The following RABEP2 variants were observed in gnomAD, a reference collection of about 807,000 sequenced individuals.
RABEP2 encodes the protein rabaptin, RAB GTPase binding effector protein 2, also known as rab GTPase-binding effector protein 2.
In RABEP2, 57 loss-of-function variants were observed where a neutral mutation model predicts 74.1. That is an observed-to-expected ratio of 0.77 (90% CI 0.62 to 0.96). The LOEUF is 0.96. Ranked by LOEUF, RABEP2 falls within the 40% of genes least tolerant of loss-of-function variation. The pLI is 0.00. For synonymous variants in RABEP2, 351 were observed against 344.0 expected (o/e 1.02, Z -0.23); for missense variants, 692 against 756.3 (o/e 0.91, Z 1.00).
intron 5 of RABEP2, among the ~76,000 whole-genome samples, chr16:28,912,950 G>GT (rs1024435420): frequency 1.1e-4 from 17 of 150,576 alleles, no homozygotes; most frequent in South Asian, 2.1e-4. Context: ...TTGTGCCCCG[G>GT]TTTTTTTTTC....
chr16:28,905,902 G>A, intron 9 of RABEP2, 24 bp from the exon 10 acceptor site: 1 of 1,613,432 alleles, frequency 6.2e-7, no homozygotes. Flanking sequence ...AGAAAGAGAG[G>A]TCAAGGCCAG....
intron 8 of RABEP2, among the ~76,000 whole-genome samples, chr16:28,906,729 C>T (rs1323138462): frequency 1.3e-5 from 2 of 152,120 alleles, no homozygotes; most frequent in Admixed American, 6.6e-5. Flanking sequence ...CGCGCCACTG[C>T]ACTCTAGCCT....
chr16:28,915,479 C>G (rs750684296), intron 3 of RABEP2, among the ~76,000 whole-genome samples: 1 of 152,056 alleles, frequency 6.6e-6, no homozygotes, highest in Non-Finnish European at 1.5e-5. Context: ...GGCTAAGTTC[C>G]AGCTACTGAG....
chr16:28,906,977 AAAAT>A (rs1406416659), intron 8 of RABEP2, among the ~76,000 whole-genome samples: 5 of 151,936 alleles, frequency 3.3e-5, no homozygotes, highest in African/African-American at 9.7e-5. Flanking sequence ...AAAATAAAAT[AAAAT>A]AAACCCTTTT....
rs1316746313 is a variant in RABEP2, at chr16:28,908,819, C to T, written c.1090-55G>A. On this transcript the variant is annotated intron_variant, in intron 7 of 12. Transcript: ENST00000358201. ...GAAGAGGACAGGGCGTCTCCAGTCCCTAGGAGGCCAAACCTCCTTGAACCC... is the reference window on the plus strand; with the variant it reads ...GAAGAGGACAGGGCGTCTCCAGTCCTTAGGAGGCCAAACCTCCTTGAACCC... 4 of 1,558,082 alleles carry T rather than the reference C, an allele frequency of 2.6e-6. No homozygotes were observed. In the East Asian group the frequency reaches 9.2e-5, roughly 36 times the overall value.
At chr16:28,906,331 A>C in intron 8 of RABEP2, 135 bp from the exon 9 acceptor site, 2 of 1,205,374 alleles carry the variant, frequency 1.7e-6, no homozygotes, top group Non-Finnish European at 2.2e-6. Flanking sequence ...AGTGGGGAAG[A>C]GCCCAAAATG....
Position 28,914,222 on chromosome 16 carries a change from C to T in RABEP2, c.894+14G>A, listed in dbSNP as rs1177327299. The T allele has an allele frequency of 6.4e-7, 1 of 1,571,402 alleles. No homozygotes were observed. Among genetic ancestry groups the T allele is most frequent in the South Asian group, 1.2e-5 (1 of 85,320 alleles). On this transcript the variant is annotated intron_variant, in intron 5 of 12. Transcript: ENST00000358201. ...GGGGATGGTACACCCCGCCACCCTG[C>T]CCACAACACTCACCTCTGTCTGCAG...
At position 28,914,235 on chromosome 16, in the gene RABEP2, C is replaced by T; in HGVS notation, c.894+1G>A. On this transcript the variant is annotated splice_donor_variant, in intron 5 of 12. Transcript: ENST00000358201. LOFTEE classifies it high-confidence loss of function. Reference sequence around the variant, plus strand: ...CCCGCCACCCTGCCCACAACACTCACCTCTGTCTGCAGCTGCTCCCACTGA... The same window carrying T: ...CCCGCCACCCTGCCCACAACACTCATCTCTGTCTGCAGCTGCTCCCACTGA... The T allele has an allele frequency of 1.3e-6, 2 of 1,591,772 alleles. No homozygotes were observed. The highest frequency in any genetic ancestry group is 1.7e-6 in the Non-Finnish European group (2 of 1,169,736).
At chr16:28,924,237 T>C in intron 2 of RABEP2, 166 bp downstream of exon 2, 1 of 630,628 alleles carries the variant, frequency 1.6e-6, no homozygotes, top group South Asian at 1.9e-5. Context: ...GGAGGGCCTC[T>C]ATGCAAATTT....
At chr16:28,906,295 A>G (rs1192424823) in intron 8 of RABEP2, 99 bp from the exon 9 acceptor site, 10 of 1,413,256 alleles carry the variant, frequency 7.1e-6, no homozygotes, top group African/African-American at 1.4e-5. Flanking sequence ...ACGGGGAAGG[A>G]AGGGAGGATG....
At chr16:28,920,847 C>T (rs530599376) in intron 2 of RABEP2, among the ~76,000 whole-genome samples, 1 of 151,702 alleles carries the variant, frequency 6.6e-6, no homozygotes, top group African/African-American at 2.4e-5. Flanking sequence ...CCCTCTCCCC[C>T]CACCCCACCA....
Position 28,922,361 on chromosome 16 carries a change from C to A in RABEP2, c.274+2042G>T, listed in dbSNP as rs557199976. Among the ~76,000 whole-genome samples, 3 of 152,162 alleles carry A rather than the reference C, an allele frequency of 2.0e-5. No individual in the cohort carries two copies. In the South Asian group the frequency reaches 6.2e-4, roughly 32 times the overall value. On this transcript the variant is annotated intron_variant, in intron 2 of 12. Transcript: ENST00000358201. ...CAGCACTTTGGGAGGCCGAGGTGGG[C>A]GGATCACAAGGTCAGGAGATCGAGA...
In RABEP2 at chr16:28,924,611, C is replaced by T. The variant is rs200211799; in HGVS notation, c.66G>A (p.Leu22=). ...DERRRRPGAA[L]EDSRSQEGAN... ...CCCCTTCCTGGGACCGGGAGTCCTCCAGTGCTGTGGGGGACAGGGATCAGC... is the reference window on the plus strand; with the variant it reads ...CCCCTTCCTGGGACCGGGAGTCCTCTAGTGCTGTGGGGGACAGGGATCAGC... Residue 22 remains leucine (L), a synonymous_variant, in exon 2 of 13, where the codon CTG becomes CTA. Transcript: ENST00000358201. The T allele has an allele frequency of 4.0e-4, 645 of 1,609,410 alleles. No homozygotes were observed. The highest frequency in any genetic ancestry group is 5.2e-4 in the Non-Finnish European group (618 of 1,179,888).
intron 6 of RABEP2, 29 bp downstream of exon 6, chr16:28,911,055 C>T (rs1321062813): frequency 9.3e-6 from 15 of 1,605,224 alleles, no homozygotes; most frequent in Non-Finnish European, 1.3e-5. Flanking sequence ...CAGAGGCCGG[C>T]TGGGGCTGCA....
At position 28,919,911 on chromosome 16, in the gene RABEP2, C is replaced by T. The variant is rs756249651; in HGVS notation, c.307G>A (p.Ala103Thr). The T allele has an allele frequency of 1.8e-5, 24 of 1,355,284 alleles. No homozygotes were observed. The highest frequency in any genetic ancestry group is 2.0e-5 in the Non-Finnish European group (20 of 1,018,226). 84.0% of individuals were successfully genotyped at this position (1,355,284 alleles called of 1,614,324 possible). A position where few individuals can be genotyped will look rare whatever the true frequency, so the allele number is the denominator to read the frequency against. Residue 103 changes from alanine to threonine, a missense_variant, in exon 3 of 13, where the codon GCC (alanine) becomes ACC (threonine). Coordinates refer to ENST00000358201, the MANE Select transcript of RABEP2 (RefSeq NM_024816.3). Reference protein sequence around the residue: ...SISSYEAQITALKQERQQQQQ... With the variant: ...SISSYEAQITTLKQERQQQQQ... ...TGCTGCTGTCGCTCCTGCTTCAGGG[C>T]GGTGATCTGGGCTTCATAGCTGCTG...
rs1487583925 is a variant in RABEP2, at chr16:28,908,653, G to A, written c.1201C>T (p.Gln401Ter). ...GATTCCTCCTCGCCCTGCTCCTGCT[G>A]CGAGCCCTGGGGGGCTGAGGATGGC... is the stretch of plus-strand genomic sequence containing the variant. ...QLPSSAPQGS[Q>*]QEQGEEESLP... Residue 401 changes from glutamine to a stop codon, truncating the protein, a stop_gained, in exon 8 of 13, where the codon CAG becomes TAG. Transcript: ENST00000358201. LOFTEE classifies it high-confidence loss of function. The A allele has an allele frequency of 6.2e-7, 1 of 1,614,026 alleles. No individual in the cohort carries two copies.
intron 7 of RABEP2, chr16:28,910,545 G>A (rs34427301): frequency 0.027 from 5,285 of 195,286 alleles, 98 homozygotes; most frequent in Middle Eastern, 0.06. Context: ...AAAGTGCTAG[G>A]ATTACAGGTA....
intron 5 of RABEP2, among the ~76,000 whole-genome samples, chr16:28,913,321 C>T (rs139073808): frequency 1.0e-3 from 159 of 152,246 alleles, no homozygotes; most frequent in African/African-American, 3.6e-3. Context: ...AGTCTCTATC[C>T]TATAAGCCCA....
chr16:28,911,844 G>A (rs1173544395), intron 5 of RABEP2, among the ~76,000 whole-genome samples: 7 of 152,054 alleles, frequency 4.6e-5, no homozygotes, highest in East Asian at 1.9e-4. Flanking sequence ...AGCTACTGGG[G>A]AGGCTGAGGC....
Sources: gnomAD v4.1 joint callset for allele counts (sites outside exome capture counted in the v4.1 genomes callset) on GRCh38, gnomAD v4.1.1 for gene constraint, MANE v1.5 for transcripts, NCBI Gene and HGNC (gene_info 2026-07-23, HGNC 2026-07-21) for gene names.